The following SLC19A1 variants were observed in gnomAD, a reference collection of about 807,000 sequenced individuals.
SLC19A1 encodes the protein solute carrier family 19 member 1.
In SLC19A1, 37 loss-of-function variants were observed where a neutral mutation model predicts 35.3. The observed-to-expected ratio is 1.05, with a 90% CI of 0.81 to 1.38. The LOEUF (loss-of-function observed/expected upper bound fraction) is 1.38, where lower values mean the gene tolerates loss of function less well. Among genes scored for constraint, SLC19A1 ranks in the 40% most tolerant of loss-of-function variants. The pLI is 0.00. For missense variants in SLC19A1, 831 were observed against 826.9 expected, an observed-to-expected ratio of 1.00 and a Z score of -0.06; for synonymous variants, 460 against 398.5, an observed-to-expected ratio of 1.15 and a Z score of -1.84.
chr21:45,516,164 CG>C, intron 5 of SLC19A1, 24 bp from the exon 6 acceptor site: 1 of 1,190,740 alleles, frequency 8.4e-7, no homozygotes, highest in Non-Finnish European at 1.2e-6. Context: ...CCGGGTGAGG[CG>C]GGTGGGGAGG....
Position 45,516,116 on chromosome 21 carries a change from G to A in SLC19A1, c.1318C>T (p.Leu440=). 6.2e-7 allele frequency: 1 copy of A among 1,608,806 alleles called. No homozygotes were observed. The highest frequency in any genetic ancestry group is 1.1e-5 in the South Asian group (1 of 89,972). The change falls in exon 6 of 6, where the codon CTG becomes TTG. Residue 440 remains leucine (L), a synonymous_variant. Transcript: ENST00000311124. ...AAGAAGTAGATGATGGACAGGATCA[G>A]GAAGTACACGGAGTATAACTGGAAC... ...KQFQLYSVYF[L]ILSIIYFLGA...
chr21:45,550,548 G>C (rs1057125026), intron 1 of SLC19A1, among the ~76,000 whole-genome samples: 1 of 152,210 alleles, frequency 6.6e-6, no homozygotes, highest in Non-Finnish European at 1.5e-5. Flanking sequence ...ATTTGGGCAG[G>C]ATGGAGCTCA....
intron 1 of SLC19A1, among the ~76,000 whole-genome samples, chr21:45,555,611 C>T (rs535133375): frequency 2.7e-4 from 40 of 150,188 alleles, no homozygotes; most frequent in African/African-American, 8.3e-4. Context: ...CAGGCCAACC[C>T]ACCGTCCCGG....
At chr21:45,504,013 C>G in intron 3 of SLC19A1, 1 of 1,613,662 alleles carries the variant, frequency 6.2e-7, no homozygotes. Flanking sequence ...TCTTGCAGGG[C>G]AGTTTCCGTT....
chr21:45,515,700 C>A lies in SLC19A1; in HGVS notation c.1734G>T (p.Leu578Phe). ...GAACACCGTCGCTTGGAAGACACTG[C>A]AAACCCAGCTTGCTGACACCAGGAG... ...VHPPGVSKLG[L>F]QCLPSDGVQN... The change falls in exon 6 of 6, where the codon TTG becomes TTT. Residue 578 changes from leucine (L) to phenylalanine (F), a missense_variant. Coordinates refer to ENST00000311124, the MANE Select transcript of SLC19A1 (RefSeq NM_194255.4). 1 of 1,613,790 alleles carries A rather than the reference C, an allele frequency of 6.2e-7. No individual in the cohort carries two copies. The highest frequency in any genetic ancestry group is 8.5e-7 in the Non-Finnish European group (1 of 1,180,020).
At chr21:45,532,478 G>A (rs767908182) in intron 2 of SLC19A1, among the ~76,000 whole-genome samples, 2 of 152,206 alleles carry the variant, frequency 1.3e-5, no homozygotes, top group Non-Finnish European at 2.9e-5. Flanking sequence ...CTGTCGCCCA[G>A]GCTGGAGTGC....
intron 1 of SLC19A1, among the ~76,000 whole-genome samples, chr21:45,555,677 T>A (rs970849329): frequency 2.0e-5 from 3 of 151,786 alleles, no homozygotes; most frequent in Non-Finnish European, 4.4e-5. Flanking sequence ...GGGGAGTGCC[T>A]GAGGCTGGCC....
chr21:45,507,268 C>T, intron 3 of SLC19A1: 3 of 511,326 alleles, frequency 5.9e-6, no homozygotes, highest in Non-Finnish European at 1.1e-5. Context: ...GGGAGGGCAA[C>T]CTGCTGTGGA....
At chr21:45,544,653 C>T (rs1265883884), upstream of SLC19A1, among the ~76,000 whole-genome samples, 1 of 152,168 alleles carries the variant, frequency 6.6e-6, no homozygotes, top group Non-Finnish European at 1.5e-5. Context: ...TTGGAGGGAT[C>T]AGCAGGGGCC....
chr21:45,541,233 T>C (rs1287615972), intron 1 of SLC19A1, among the ~76,000 whole-genome samples: 1 of 152,160 alleles, frequency 6.6e-6, no homozygotes, highest in Non-Finnish European at 1.5e-5. Flanking sequence ...AGAAAGCAAT[T>C]AGCAATTGCA....
intron 4 of SLC19A1, among the ~76,000 whole-genome samples, chr21:45,528,443 A>G (rs1453927719): frequency 2.6e-5 from 4 of 151,968 alleles, no homozygotes; most frequent in African/African-American, 9.7e-5. Context: ...AGTCCACAGC[A>G]GGCCGGCCGG....
chr21:45,508,061 A>ATAGTGGGTAAG, downstream of SLC19A1, among the ~76,000 whole-genome samples: 1 of 143,344 alleles, frequency 7.0e-6, no homozygotes, highest in Admixed American at 6.8e-5. Flanking sequence ...GGGGAGGTGG[A>ATAGTGGGTAAG]TGGATGAGTA....
chr21:45,510,025 G>C, downstream of SLC19A1: 1 of 1,535,382 alleles, frequency 6.5e-7, no homozygotes, highest in Non-Finnish European at 8.7e-7. Flanking sequence ...GCAGGGGGCA[G>C]CGTGGGACAC....
At chr21:45,551,632 A>G (rs2146491086) in intron 1 of SLC19A1, among the ~76,000 whole-genome samples, 2 of 152,350 alleles carry the variant, frequency 1.3e-5, no homozygotes, top group East Asian at 3.9e-4. Context: ...GTTCAGATCA[A>G]AGAACGTGGC....
intron 5 of SLC19A1, 60 bp downstream of exon 5, chr21:45,525,757 T>G (rs2077588678): frequency 4.4e-6 from 7 of 1,586,640 alleles, no homozygotes; most frequent in Non-Finnish European, 6.0e-6. Context: ...CCAGGAGGCC[T>G]CAACAATGTC....
intron 3 of SLC19A1, among the ~76,000 whole-genome samples, chr21:45,503,769 T>C (rs1372139130): frequency 1.3e-5 from 2 of 151,924 alleles, no homozygotes; most frequent in Non-Finnish European, 2.9e-5. Context: ...ACATGTACCC[T>C]AAAACTTAAA....
chr21:45,556,412 TC>T (rs1207552870), intron 1 of SLC19A1, among the ~76,000 whole-genome samples: 1 of 152,214 alleles, frequency 6.6e-6, no homozygotes, highest in East Asian at 1.9e-4. Context: ...CCCCCGCTGC[TC>T]CCCACCAGCG....
intron 1 of SLC19A1, among the ~76,000 whole-genome samples, chr21:45,555,160 C>CGGCGCA (rs1569031758): frequency 0.015 from 618 of 41,822 alleles, 113 homozygotes; most frequent in Non-Finnish European, 0.017. Context: ...CAGGGGGCGG[C>CGGCGCA]GGGGGCGGCG....
At chr21:45,527,271 G>A (rs2077659752) in intron 4 of SLC19A1, among the ~76,000 whole-genome samples, 1 of 149,678 alleles carries the variant, frequency 6.7e-6, no homozygotes, top group Admixed American at 6.6e-5. Context: ...GCAGGCCCTG[G>A]AGGTGAATAG....
Sources: allele counts gnomAD v4.1 joint callset (sites outside exome capture counted in the v4.1 genomes callset), GRCh38; gene constraint gnomAD v4.1.1; transcripts MANE v1.5; gene names NCBI Gene and HGNC (gene_info 2026-07-23, HGNC 2026-07-21).